The following DLGAP2 variants were observed in gnomAD, a reference collection of about 807,000 sequenced individuals.
The protein encoded by DLGAP2 is DLG associated protein 2, also known as disks large-associated protein 2.
DLGAP2 carries 26 observed loss-of-function variants against 100.3 expected under a neutral mutation model. That is an observed-to-expected ratio of 0.26 (90% CI 0.19 to 0.36). The LOEUF is 0.36. Ranked by LOEUF, DLGAP2 falls within the 10% of genes least tolerant of loss-of-function variation. The probability of loss-of-function intolerance (pLI) is 1.00; values close to 1 mark genes in which losing one functional copy is unlikely to be tolerated. For synonymous variants in DLGAP2, 886 were observed against 630.1 expected (o/e 1.41, Z -6.08); for missense variants, 1,858 against 1,453.2 (o/e 1.28, Z -4.53).
Position 800,524 on chromosome 8 carries a change from C to T in DLGAP2, c.18+62699C>T, listed in dbSNP as rs78082215. 1.0e-3 allele frequency among the ~76,000 whole-genome samples: 159 copies of T among 152,326 alleles called. 1 individual carries two copies. Among genetic ancestry groups the T allele is most frequent in the African/African-American group, 3.7e-3 (155 of 41,572 alleles). ...CCCACAGCTGGGCCGGGGCCTGTGTCCTGCTGCCTTGGGAGTTGAGATTGA... is the reference window on the plus strand; with the variant it reads ...CCCACAGCTGGGCCGGGGCCTGTGTTCTGCTGCCTTGGGAGTTGAGATTGA... On this transcript the variant is annotated intron_variant, in intron 1 of 14. Transcript: ENST00000637795.
chr8:1,043,607 G>T (rs1397859185), intron 2 of DLGAP2, among the ~76,000 whole-genome samples: 1 of 152,010 alleles, frequency 6.6e-6, no homozygotes, highest in East Asian at 1.9e-4. Flanking sequence ...AAACTAGGAG[G>T]ACTGCAGTGG....
intron 2 of DLGAP2, among the ~76,000 whole-genome samples, chr8:1,217,076 C>T (rs553284640): frequency 6.6e-6 from 1 of 152,210 alleles, no homozygotes; most frequent in East Asian, 1.9e-4. Context: ...AGCATAGTAC[C>T]CGATAGGTGG....
At chr8:1,296,376 G>T (rs970162000) in intron 3 of DLGAP2, among the ~76,000 whole-genome samples, 3 of 152,150 alleles carry the variant, frequency 2.0e-5, no homozygotes, top group Non-Finnish European at 4.4e-5. Flanking sequence ...CTGGCACGCT[G>T]GCTGCATGTG....
chr8:861,420 A>G (rs1395215255), intron 1 of DLGAP2, among the ~76,000 whole-genome samples: 1 of 152,126 alleles, frequency 6.6e-6, no homozygotes, highest in Admixed American at 6.5e-5. Flanking sequence ...GCAGTAGAAG[A>G]AGTTTGAAGC....
chr8:787,317 C>T (rs965083293), intron 1 of DLGAP2, among the ~76,000 whole-genome samples: 1 of 152,190 alleles, frequency 6.6e-6, no homozygotes, highest in Non-Finnish European at 1.5e-5. Flanking sequence ...TACTGACGTT[C>T]TGTGATGCTG....
intron 3 of DLGAP2, among the ~76,000 whole-genome samples, chr8:1,450,755 G>T (rs1798136980): frequency 6.6e-6 from 1 of 152,128 alleles, no homozygotes; most frequent in South Asian, 2.1e-4. Context: ...ACGCAGCATG[G>T]CTATGTCTCT....
At chr8:1,392,142 G>T (rs1585329470) in intron 3 of DLGAP2, among the ~76,000 whole-genome samples, 1 of 152,226 alleles carries the variant, frequency 6.6e-6, no homozygotes, top group Non-Finnish European at 1.5e-5. Context: ...ATTTTTCAGA[G>T]GCTGGGGTGG....
intron 3 of DLGAP2, among the ~76,000 whole-genome samples, chr8:1,454,351 T>C (rs991978219): frequency 1.3e-5 from 2 of 151,642 alleles, no homozygotes; most frequent in Non-Finnish European, 2.9e-5. Context: ...TCTTCCTCTG[T>C]AACGTTTTTT....
intron 2 of DLGAP2, among the ~76,000 whole-genome samples, chr8:1,085,187 C>G (rs142343831): frequency 3.7e-4 from 56 of 152,318 alleles, no homozygotes; most frequent in African/African-American, 1.3e-3. Context: ...GTTCAGGTAC[C>G]TTGCCCATTT....
At chr8:971,813 G>C (rs1487642091) in intron 2 of DLGAP2, among the ~76,000 whole-genome samples, 2 of 152,170 alleles carry the variant, frequency 1.3e-5, no homozygotes, top group Non-Finnish European at 2.9e-5. Flanking sequence ...TGAGAGTGAA[G>C]GGGAATTCTC....
intron 10 of DLGAP2, among the ~76,000 whole-genome samples, chr8:1,671,554 A>G (rs548714792): frequency 1.2e-4 from 18 of 152,334 alleles, no homozygotes; most frequent in African/African-American, 2.9e-4. Flanking sequence ...CTGTCCCACA[A>G]TGCAACTCCC....
At chr8:811,153 C>T (rs1796362852) in intron 1 of DLGAP2, among the ~76,000 whole-genome samples, 1 of 152,244 alleles carries the variant, frequency 6.6e-6, no homozygotes, top group African/African-American at 2.4e-5. Flanking sequence ...ACTCCATTAT[C>T]CCGCCTGTGG....
chr8:1,327,908 C>G (rs1051434717), intron 3 of DLGAP2, among the ~76,000 whole-genome samples: 7 of 152,112 alleles, frequency 4.6e-5, no homozygotes, highest in Admixed American at 6.5e-5. Flanking sequence ...TTCATTAATT[C>G]TGATGGATCT....
In DLGAP2 at chr8:1,010,280, A is replaced by T. The variant is rs545337041; in HGVS notation, c.73+102314A>T. Among the ~76,000 whole-genome samples the T allele has an allele frequency of 1.6e-4, 23 of 147,512 alleles. No individual in the cohort carries two copies. In the South Asian group the frequency reaches 4.1e-3, roughly 26 times the overall value. On this transcript the variant is annotated intron_variant, in intron 2 of 14. Transcript: ENST00000637795. ...CGCACACATGCACACACACATTCTCACATATGTGTGTACACTCAGATATCA... is the reference window on the plus strand; with the variant it reads ...CGCACACATGCACACACACATTCTCTCATATGTGTGTACACTCAGATATCA...
In DLGAP2 at chr8:1,350,248, C is replaced by T. The variant is rs1239570499; in HGVS notation, c.106+91365C>T. Among the ~76,000 whole-genome samples, 235 of 100,718 alleles carry T rather than the reference C, an allele frequency of 2.3e-3. 4 individuals carry two copies. Among genetic ancestry groups the T allele is most frequent in the African/African-American group, 8.1e-3 (216 of 26,816 alleles). The allele number at this position is 100,718 out of a possible 152,430, so 66.1% of individuals were successfully genotyped here. ...CCTGAGTGTGCGTGGAAAGGCCGTG[C>T]GGGTCCTGAGCATGTGTGGAACGGC... On this transcript the variant is annotated intron_variant, in intron 3 of 14. Transcript: ENST00000637795.
intron 2 of DLGAP2, among the ~76,000 whole-genome samples, chr8:1,212,176 C>G (rs1167629824): frequency 6.6e-6 from 1 of 152,228 alleles, no homozygotes; most frequent in African/African-American, 2.4e-5. Flanking sequence ...CCCCACATTC[C>G]CAAGAGCCTC....
intron 6 of DLGAP2, among the ~76,000 whole-genome samples, chr8:1,599,722 C>G (rs886154468): frequency 6.6e-6 from 1 of 152,094 alleles, no homozygotes; most frequent in Non-Finnish European, 1.5e-5. Context: ...TTTCCGTTTG[C>G]TTGGTAAATA....
intron 2 of DLGAP2, among the ~76,000 whole-genome samples, chr8:1,055,081 C>T (rs1802837881): frequency 6.6e-6 from 1 of 152,162 alleles, no homozygotes; most frequent in Admixed American, 6.5e-5. Flanking sequence ...TTATAAGGAT[C>T]AACTTCTTAA....
intron 2 of DLGAP2, among the ~76,000 whole-genome samples, chr8:1,140,509 T>C (rs1453814520): frequency 6.6e-6 from 1 of 152,144 alleles, no homozygotes; most frequent in Non-Finnish European, 1.5e-5. Context: ...AGAGGCCTCC[T>C]GGGGCTCTGG....
Sources: allele counts gnomAD v4.1 joint callset (sites outside exome capture counted in the v4.1 genomes callset), GRCh38; gene constraint gnomAD v4.1.1; transcripts MANE v1.5; gene names NCBI Gene and HGNC (gene_info 2026-07-23, HGNC 2026-07-21).